Variants in PPP1R1C observed in about 807,000 individuals in gnomAD.
PPP1R1C encodes the protein protein phosphatase 1 regulatory inhibitor subunit 1C.
Under a neutral mutation model 17.4 loss-of-function variants are expected in PPP1R1C, and 15 were observed. That is an observed-to-expected ratio of 0.86 (90% CI 0.58 to 1.33). PPP1R1C has a LOEUF of 1.33. PPP1R1C is among the 40% of genes most tolerant of loss of function. The pLI, the probability that PPP1R1C is intolerant of heterozygous loss-of-function variation, is 0.00. For synonymous variants in PPP1R1C, 35 were observed against 43.1 expected, an observed-to-expected ratio of 0.81 and a Z score of 0.73; for missense variants, 143 against 130.0, an observed-to-expected ratio of 1.10 and a Z score of -0.48.
intron 1 of PPP1R1C, among the ~76,000 whole-genome samples, chr2:181,973,345 C>A (rs969817692): frequency 1.1e-4 from 17 of 152,168 alleles, no homozygotes; most frequent in Non-Finnish European, 1.3e-4. Context: ...GAAACATAGG[C>A]AAGCACTCAA....
At chr2:182,020,254 A>G (rs758447756) in intron 2 of PPP1R1C, among the ~76,000 whole-genome samples, 1 of 152,226 alleles carries the variant, frequency 6.6e-6, no homozygotes, top group Admixed American at 6.5e-5. Flanking sequence ...TAAACAGATT[A>G]TATGTTTTAA....
intron 4 of PPP1R1C, among the ~76,000 whole-genome samples, chr2:182,093,532 C>G (rs1419867354): frequency 1.3e-5 from 2 of 152,180 alleles, no homozygotes; most frequent in East Asian, 3.8e-4. Flanking sequence ...CTTTTCTATT[C>G]CATTATCAGA....
chr2:182,055,877 C>A (rs564837356), intron 2 of PPP1R1C, among the ~76,000 whole-genome samples: 4 of 152,268 alleles, frequency 2.6e-5, no homozygotes, highest in Non-Finnish European at 4.4e-5. Flanking sequence ...AGCAGCATTC[C>A]TAAAAAAGAA....
At chr2:181,993,881 T>C (rs1366533560) in intron 2 of PPP1R1C, among the ~76,000 whole-genome samples, 4 of 152,058 alleles carry the variant, frequency 2.6e-5, no homozygotes, top group African/African-American at 9.7e-5. Context: ...AAGTAACTTG[T>C]CCAATCTTCA....
At chr2:182,081,985 A>AT (rs200017467) in intron 4 of PPP1R1C, among the ~76,000 whole-genome samples, 43 of 152,232 alleles carry the variant, frequency 2.8e-4, no homozygotes, top group African/African-American at 9.4e-4. Context: ...CCCTATGCCT[A>AT]TTTTTTTTAA....
At chr2:182,052,084 G>T (rs1687539006) in intron 2 of PPP1R1C, among the ~76,000 whole-genome samples, 1 of 152,084 alleles carries the variant, frequency 6.6e-6, no homozygotes, top group Non-Finnish European at 1.5e-5. Flanking sequence ...CTAGATTGAT[G>T]ATTTTTAAAT....
chr2:181,986,729 G>A (rs533229940), intron 1 of PPP1R1C, among the ~76,000 whole-genome samples: 15 of 152,110 alleles, frequency 9.9e-5, no homozygotes, highest in East Asian at 1.9e-4. Context: ...TTTTAAAATC[G>A]TTTTGTTCAG....
At chr2:182,049,215 A>G (rs1323159934) in intron 2 of PPP1R1C, among the ~76,000 whole-genome samples, 2 of 151,804 alleles carry the variant, frequency 1.3e-5, no homozygotes, top group African/African-American at 4.8e-5. Context: ...CTGTAGTCCC[A>G]GCTACTTAGG....
intron 2 of PPP1R1C, among the ~76,000 whole-genome samples, chr2:182,058,457 A>G (rs1034490892): frequency 2.6e-5 from 4 of 152,088 alleles, no homozygotes; most frequent in Non-Finnish European, 5.9e-5. Flanking sequence ...TAAGTTTCCC[A>G]CCATAAAGAT....
chr2:182,036,306 G>T (rs961662710), intron 2 of PPP1R1C, among the ~76,000 whole-genome samples: 3 of 152,148 alleles, frequency 2.0e-5, no homozygotes, highest in Non-Finnish European at 2.9e-5. Flanking sequence ...AATGGAGGCT[G>T]ATAATAACCA....
At chr2:181,985,791 T>G (rs1685280475), upstream of PPP1R1C, 1 of 363,588 alleles carries the variant, frequency 2.8e-6, no homozygotes, top group African/African-American at 2.0e-5. This position sits in a 1 kb window ranked among gnomAD's most constrained non-coding sequence, Gnocchi z 4.1. Context: ...GCATTGCATT[T>G]TCAATTAGCT....
intron 1 of PPP1R1C, among the ~76,000 whole-genome samples, chr2:181,970,338 C>T (rs1487191666): frequency 2.0e-5 from 3 of 152,106 alleles, no homozygotes; most frequent in African/African-American, 7.2e-5. Flanking sequence ...GTCATTGCAG[C>T]CATATCTGCA....
intron 4 of PPP1R1C, among the ~76,000 whole-genome samples, chr2:182,113,665 C>T (rs1364057665): frequency 6.6e-6 from 1 of 151,260 alleles, no homozygotes; most frequent in Non-Finnish European, 1.5e-5. Context: ...TGCCCTTATA[C>T]TCTTTTTTTT....
intron 2 of PPP1R1C, among the ~76,000 whole-genome samples, chr2:182,043,612 T>A (rs564555966): frequency 6.6e-6 from 1 of 152,286 alleles, no homozygotes; most frequent in East Asian, 1.9e-4. Context: ...GAGTAGCTGA[T>A]CCGGGACAAC....
intron 4 of PPP1R1C, among the ~76,000 whole-genome samples, chr2:182,094,735 A>T (rs1260646405): frequency 2.0e-5 from 3 of 152,174 alleles, no homozygotes; most frequent in Admixed American, 2.0e-4. Context: ...GTAAAAAATC[A>T]GACCTTGCGA....
chr2:182,020,427 A>G (rs2125162502), intron 2 of PPP1R1C, among the ~76,000 whole-genome samples: 1 of 152,310 alleles, frequency 6.6e-6, no homozygotes, highest in South Asian at 2.1e-4. Flanking sequence ...GAGCCACATG[A>G]GGATTCTCTT....
intron 2 of PPP1R1C, among the ~76,000 whole-genome samples, chr2:181,980,144 A>C (rs949389171): frequency 1.3e-5 from 2 of 152,216 alleles, no homozygotes; most frequent in African/African-American, 4.8e-5. Context: ...TCATAGAATG[A>C]GATACTCAAT....
chr2:181,986,691 C>T (rs948428754), intron 1 of PPP1R1C, among the ~76,000 whole-genome samples: 12 of 152,104 alleles, frequency 7.9e-5, no homozygotes, highest in African/African-American at 2.9e-4. Context: ...TAATATATTA[C>T]AGCTAGGATT....
intron 2 of PPP1R1C, among the ~76,000 whole-genome samples, chr2:182,013,952 A>G (rs750897998): frequency 4.6e-5 from 7 of 152,300 alleles, no homozygotes; most frequent in Admixed American, 1.3e-4. Flanking sequence ...TGTTATCTTG[A>G]ATTTCATTGA....
Sources: gnomAD v4.1 joint callset for allele counts (sites outside exome capture counted in the v4.1 genomes callset) on GRCh38, gnomAD v4.1.1 for gene constraint, Gnocchi (gnomAD v3.1) non-coding constraint, MANE v1.5 for transcripts, NCBI Gene and HGNC (gene_info 2026-07-23, HGNC 2026-07-21) for gene names.